Variants in ZNF77 observed in about 807,000 individuals in gnomAD.
ZNF77 encodes the protein ZNFpT1.
A neutral mutation model predicts 13.5 loss-of-function variants in ZNF77; 15 were observed. The ratio of observed to expected loss-of-function variants is 1.11; its 90% CI spans 0.74 to 1.71. The LOEUF is 1.71. Ranked by LOEUF, ZNF77 falls within the 40% of genes most tolerant of loss-of-function variation. The pLI, the probability that ZNF77 is intolerant of heterozygous loss-of-function variation, is 0.00. For synonymous variants in ZNF77, 282 were observed against 250.0 expected (o/e 1.13, Z -1.21); for missense variants, 717 against 676.4 (o/e 1.06, Z -0.67).
intron 3 of ZNF77, 52 bp downstream of exon 3, chr19:2,936,472 T>G: frequency 4.0e-6 from 6 of 1,504,636 alleles, no homozygotes; most frequent in Non-Finnish European, 5.3e-6. Context: ...GAATTGCAAG[T>G]TAGTTTGATG....
intron 1 of ZNF77, among the ~76,000 whole-genome samples, chr19:2,940,906 G>A (rs1218729203): frequency 1.3e-5 from 2 of 152,090 alleles, no homozygotes; most frequent in Non-Finnish European, 2.9e-5. Context: ...TGGGCTTGGT[G>A]GCTCAGGCCT....
At chr19:2,939,798 C>A (rs2088433697) in intron 1 of ZNF77, 3 of 206,474 alleles carry the variant, frequency 1.5e-5, no homozygotes, top group Non-Finnish European at 3.0e-5. Flanking sequence ...ATAGTGAGAT[C>A]CCGTCTCTAC....
At chr19:2,940,694 A>G (rs987315308) in intron 1 of ZNF77, among the ~76,000 whole-genome samples, 2 of 151,806 alleles carry the variant, frequency 1.3e-5, no homozygotes, top group African/African-American at 2.4e-5. Flanking sequence ...AAAAAAAAAA[A>G]AAAGAATGTA....
chr19:2,936,788 G>A lies in ZNF77; in HGVS notation c.131-84C>T. On this transcript the variant is annotated intron_variant, in intron 2 of 3. Transcript: ENST00000314531. Reference sequence around the variant, plus strand: ...CCACATACGGATTTCTTTTCATATAGTAATCCAAAAATGTACCGTTTATAA... The same window carrying A: ...CCACATACGGATTTCTTTTCATATAATAATCCAAAAATGTACCGTTTATAA... 5 of 1,289,088 alleles carry A rather than the reference G, an allele frequency of 3.9e-6. No homozygotes were observed. In the South Asian group the frequency reaches 4.1e-5, roughly 10 times the overall value. The allele number at this position is 1,289,088 out of a possible 1,614,324, so 79.9% of individuals were successfully genotyped here.
rs144112492 is a variant in ZNF77, at chr19:2,933,531, G to A, written c.1596C>T (p.Leu532=). The A allele has an allele frequency of 2.6e-4, 411 of 1,603,198 alleles. 6 individuals carry two copies. Among genetic ancestry groups the A allele is most frequent in the African/African-American group, 2.1e-3 (154 of 74,848 alleles). ...CKQCGKTFRY[L]ASLQAHVRTH... is the part of the protein sequence containing the mutation. ...TTCTCACATGTGCTTGAAGCGATGCGAGATACCTGAAGGTTTTCCCACACT... is the reference window on the plus strand; with the variant it reads ...TTCTCACATGTGCTTGAAGCGATGCAAGATACCTGAAGGTTTTCCCACACT... The change falls in exon 4 of 4, where the codon CTC becomes CTT. Residue 532 remains leucine (L), a synonymous_variant. Coordinates refer to ENST00000314531, the MANE Select transcript of ZNF77 (RefSeq NM_021217.3).
Position 2,940,895 on chromosome 19 carries a change from C to A in ZNF77, c.4-1488G>T, listed in dbSNP as rs1344731261. ...TTTTATAATAAAATGCTATCAGCAG[C>A]TGGGCTTGGTGGCTCAGGCCTATAC... On this transcript the variant is annotated intron_variant, in intron 1 of 3. Coordinates refer to ENST00000314531, the MANE Select transcript of ZNF77 (RefSeq NM_021217.3). Among the ~76,000 whole-genome samples, 3 of 152,030 alleles carry A rather than the reference C, an allele frequency of 2.0e-5. No homozygotes were observed. In the East Asian group the frequency reaches 5.8e-4, roughly 29 times the overall value.
rs1411908432 is a variant in ZNF77, at chr19:2,934,697, A to G, written c.430T>C (p.Cys144Arg). Residue 144 changes from cysteine (C) to arginine (R), a missense_variant, in exon 4 of 4, where the codon TGC (cysteine) becomes CGC (arginine). Cys to Arg is a radical substitution (Grantham distance 180, BLOSUM62 -3). Coordinates refer to ENST00000314531, the MANE Select transcript of ZNF77 (RefSeq NM_021217.3). The part of the protein sequence containing the change: ...SYPTEAKPSE[C>R]TKCGKAFENR... ...TCGAAGGCTTTGCCACACTTAGTGC[A>G]CTCAGAGGGTTTAGCTTCGGTAGGG... 6.2e-7 allele frequency: 1 copy of G among 1,614,002 alleles called. No individual in the cohort carries two copies. Among genetic ancestry groups the G allele is most frequent in the East Asian group, 2.2e-5 (1 of 44,890 alleles).
In ZNF77 at chr19:2,934,295, T is replaced by G; in HGVS notation, c.832A>C (p.Ser278Arg). The change falls in exon 4 of 4, where the codon AGC becomes CGC. Residue 278 changes from serine (S) to arginine (R), a missense_variant. Coordinates refer to ENST00000314531, the MANE Select transcript of ZNF77 (RefSeq NM_021217.3). Reference protein sequence around the residue: ...YECKECGKAFSCPSYFREHVR... With the variant: ...YECKECGKAFRCPSYFREHVR... ...TGTTCTCGAAAGTATGAGGGACAGC[T>G]GAAGGCTTTCCCACACTCCTTACAC... The G allele has an allele frequency of 6.2e-7, 1 of 1,613,602 alleles. No homozygotes were observed.
At chr19:2,935,221 T>C (rs1419898929) in intron 3 of ZNF77, among the ~76,000 whole-genome samples, 1 of 151,416 alleles carries the variant, frequency 6.6e-6, no homozygotes, top group Non-Finnish European at 1.5e-5. Context: ...GGTTTCACCG[T>C]GTTAGCCAGG....
rs769753437 is a variant in ZNF77, at chr19:2,933,842, T to C, written c.1285A>G (p.Thr429Ala). 12 of 1,613,716 alleles carry C rather than the reference T, an allele frequency of 7.4e-6. 1 individual carries two copies. The Middle Eastern group carries it at 4.9e-4, about 66-fold the overall frequency. Residue 429 changes from threonine (T) to alanine (A), a missense_variant, in exon 4 of 4, where the codon ACG becomes GCG. Transcript: ENST00000314531. ...FSSSLRIHVR[T>A]HTGEKPFECK... is the part of the protein sequence containing the mutation. ...TCAAAGGGCTTCTCTCCAGTATGCG[T>C]CCTCACGTGGATTCGAAGGGAGGAG...
chr19:2,940,678 G>GAAAAAAAAAAAAAAAAAAAAAA, intron 1 of ZNF77, among the ~76,000 whole-genome samples: 1 of 114,616 alleles, frequency 8.7e-6, no homozygotes, highest in Non-Finnish European at 1.8e-5. Context: ...TCACAAAAAA[G>GAAAAAAAAAAAAAAAAAAAAAA]AAAAAAAAAA....
intron 1 of ZNF77, among the ~76,000 whole-genome samples, chr19:2,941,782 G>A (rs2088450927): frequency 6.6e-6 from 1 of 152,204 alleles, no homozygotes; most frequent in Non-Finnish European, 1.5e-5. Context: ...AGGAGACGGA[G>A]CAGGGTCCCC....
chr19:2,944,645 G>T (rs1457212909), intron 1 of ZNF77, among the ~76,000 whole-genome samples, 193 bp downstream of exon 1: 1 of 151,818 alleles, frequency 6.6e-6, no homozygotes, highest in Non-Finnish European at 1.5e-5. Context: ...GCCCCTGACC[G>T]CTTTTGCTGT....
rs1490428674 is a variant in ZNF77 at position 2,933,946 on chromosome 19, T to G, written c.1181A>C (p.Tyr394Ser). ...GTGTGTTTTCACATGTCTTCTAAAG[T>G]AAGTGGGACATCCGAAGGCCTTCCC... ...QCGKAFGCPTYFRRHVKTHSG... is the reference protein window; with the variant it reads ...QCGKAFGCPTSFRRHVKTHSG... The change falls in exon 4 of 4, where the codon TAC becomes TCC. Residue 394 changes from tyrosine (Y) to serine (S), a missense_variant. Physicochemically the swap from Tyr to Ser is moderately radical, Grantham distance 144. Coordinates refer to ENST00000314531, the MANE Select transcript of ZNF77 (RefSeq NM_021217.3). The G allele has an allele frequency of 7.4e-6, 12 of 1,613,628 alleles. No individual in the cohort carries two copies. Among genetic ancestry groups the G allele is most frequent in the Non-Finnish European group, 9.3e-6 (11 of 1,179,912 alleles).
chr19:2,939,500 C>T, intron 1 of ZNF77, 93 bp from the exon 2 acceptor site: 11 of 1,554,512 alleles, frequency 7.1e-6, no homozygotes, highest in Non-Finnish European at 9.6e-6. Flanking sequence ...GGGAACTGAG[C>T]CACACAGAGC....
intron 1 of ZNF77, among the ~76,000 whole-genome samples, chr19:2,943,199 T>C (rs1193660130): frequency 2.0e-5 from 3 of 150,896 alleles, no homozygotes; most frequent in South Asian, 2.1e-4. Flanking sequence ...CCCATGCCCC[T>C]GTTGCTTATA....
At chr19:2,939,987 T>C (rs995569973) in intron 1 of ZNF77, among the ~76,000 whole-genome samples, 7 of 151,862 alleles carry the variant, frequency 4.6e-5, no homozygotes, top group African/African-American at 1.7e-4. Flanking sequence ...CTCAAAAAAA[T>C]AAAATAAATC....
intron 1 of ZNF77, among the ~76,000 whole-genome samples, chr19:2,944,065 AC>A (rs946373659): frequency 2.6e-5 from 4 of 151,444 alleles, no homozygotes; most frequent in Non-Finnish European, 5.9e-5. Flanking sequence ...TCCTTGGCAG[AC>A]CTTCCCAAAC....
chr19:2,940,151 C>A (rs2088436635), intron 1 of ZNF77, among the ~76,000 whole-genome samples: 1 of 150,966 alleles, frequency 6.6e-6, no homozygotes, highest in Admixed American at 6.6e-5. Context: ...AAGACCCTGT[C>A]TCTTAAAAAA....
Sources: allele counts gnomAD v4.1 joint callset (sites outside exome capture counted in the v4.1 genomes callset), GRCh38; gene constraint gnomAD v4.1.1; transcripts MANE v1.5; gene names NCBI Gene and HGNC (gene_info 2026-07-23, HGNC 2026-07-21).